Variants in VEGFC observed in about 807,000 individuals in gnomAD.
The protein encoded by VEGFC is vascular endothelial growth factor C.
A neutral mutation model predicts 46.1 loss-of-function variants in VEGFC; 12 were observed. The ratio of observed to expected loss-of-function variants is 0.26; its 90% CI spans 0.17 to 0.42. VEGFC has a LOEUF of 0.42. Among genes scored for constraint, VEGFC ranks in the 10% least tolerant of loss-of-function variants. VEGFC has a pLI of 1.00. For synonymous variants in VEGFC, 232 were observed against 195.5 expected (o/e 1.19, Z -1.56); for missense variants, 488 against 529.4 (o/e 0.92, Z 0.77).
At chr4:176,684,669 G>A (rs114475399) in intron 6 of VEGFC, among the ~76,000 whole-genome samples, 43 of 152,294 alleles carry the variant, frequency 2.8e-4, no homozygotes, top group African/African-American at 8.9e-4. Context: ...TTCCAGTAGC[G>A]GTGAGAGGAC....
intron 1 of VEGFC, among the ~76,000 whole-genome samples, chr4:176,791,953 C>T (rs760987840): frequency 1.9e-4 from 29 of 152,208 alleles, no homozygotes; most frequent in Non-Finnish European, 4.3e-4. Context: ...CCGGGCCCTT[C>T]ACTCGTGTAA....
chr4:176,764,289 CAG>C (rs779143537), intron 1 of VEGFC, among the ~76,000 whole-genome samples: 6 of 152,064 alleles, frequency 3.9e-5, no homozygotes, highest in Non-Finnish European at 8.8e-5. Context: ...CAGAAAACAA[CAG>C]AGTTAACAAA....
rs1276140647 is a variant in VEGFC, at chr4:176,740,245, A to G, written c.148-10499T>C. On this transcript the variant is annotated intron_variant, in intron 1 of 6. Coordinates refer to ENST00000618562, the MANE Select transcript of VEGFC (RefSeq NM_005429.5). ...TAGAATATATAACTATATATAGAAT[A>G]TATATATAGAATATATATAACTATA... 1.8e-3 allele frequency among the ~76,000 whole-genome samples: 213 copies of G among 119,218 alleles called. 2 individuals are homozygous for G. The highest frequency in any genetic ancestry group is 7.3e-3 in the African/African-American group (207 of 28,280). 78.2% of individuals were successfully genotyped at this position (119,218 alleles called of 152,430 possible).
intron 1 of VEGFC, among the ~76,000 whole-genome samples, chr4:176,756,520 C>T (rs1194314583): frequency 6.6e-6 from 1 of 151,908 alleles, no homozygotes; most frequent in East Asian, 1.9e-4. Flanking sequence ...AAGAACATTC[C>T]AGGCTCTTTG....
intron 6 of VEGFC, among the ~76,000 whole-genome samples, chr4:176,685,995 G>A (rs1183038649): frequency 6.6e-6 from 1 of 152,138 alleles, no homozygotes; most frequent in African/African-American, 2.4e-5. Context: ...GAACATTAGT[G>A]AAGATAGTAA....
intron 1 of VEGFC, among the ~76,000 whole-genome samples, chr4:176,789,319 G>T (rs1373678108): frequency 6.6e-6 from 1 of 152,244 alleles, no homozygotes; most frequent in African/African-American, 2.4e-5. Flanking sequence ...ATGCCACTAA[G>T]ATCAGTAATT....
intron 1 of VEGFC, among the ~76,000 whole-genome samples, chr4:176,771,568 T>A (rs1293317049): frequency 6.6e-6 from 1 of 152,198 alleles, no homozygotes; most frequent in East Asian, 1.9e-4. Context: ...AGCTTATGTT[T>A]TCCATTTTTG....
At chr4:176,726,675 T>C (rs2111015023) in intron 3 of VEGFC, among the ~76,000 whole-genome samples, 1 of 152,184 alleles carries the variant, frequency 6.6e-6, no homozygotes, top group Non-Finnish European at 1.5e-5. Context: ...GCTGAAAAAA[T>C]GTAGTTCATG....
chr4:176,716,385 G>A (rs916793764), intron 3 of VEGFC, among the ~76,000 whole-genome samples: 8 of 151,402 alleles, frequency 5.3e-5, no homozygotes, highest in Non-Finnish European at 8.9e-5. Context: ...AAGACCAGCC[G>A]GCCCAACATG....
At chr4:176,750,008 T>TA (rs1165873111) in intron 1 of VEGFC, among the ~76,000 whole-genome samples, 2 of 151,756 alleles carry the variant, frequency 1.3e-5, no homozygotes, top group Non-Finnish European at 3.0e-5. Flanking sequence ...AATGCAGTAT[T>TA]AAAAAAATAG....
chr4:176,767,123 T>TAAAAAAAAAA (rs70964805), intron 1 of VEGFC, among the ~76,000 whole-genome samples: 73 of 50,416 alleles, frequency 1.4e-3, no homozygotes, highest in African/African-American at 2.7e-3. Context: ...TGTAGAAATC[T>TAAAAAAAAAA]AAAAAAAAAA....
chr4:176,732,737 T>C (rs973774196), intron 1 of VEGFC, among the ~76,000 whole-genome samples: 9 of 151,824 alleles, frequency 5.9e-5, no homozygotes, highest in Non-Finnish European at 1.3e-4. Context: ...GAGCTTTTTT[T>C]TCAGAAGAAA....
At chr4:176,744,879 T>C (rs979769283) in intron 1 of VEGFC, among the ~76,000 whole-genome samples, 8 of 152,092 alleles carry the variant, frequency 5.3e-5, no homozygotes, top group African/African-American at 1.9e-4. Flanking sequence ...TTTGCACTAA[T>C]TACAAAGCCT....
At chr4:176,724,268 G>A (rs747545902) in intron 3 of VEGFC, among the ~76,000 whole-genome samples, 8 of 152,140 alleles carry the variant, frequency 5.3e-5, no homozygotes, top group Non-Finnish European at 1.2e-4. Flanking sequence ...CCCTAAAACT[G>A]TGGGGGGAAA....
chr4:176,768,538 T>C (rs1279120789), intron 1 of VEGFC, among the ~76,000 whole-genome samples: 1 of 132,040 alleles, frequency 7.6e-6, no homozygotes, highest in African/African-American at 2.6e-5. Context: ...AGTACTATGA[T>C]ATTTCGACAT....
chr4:176,720,676 C>T (rs1216738414), intron 3 of VEGFC, among the ~76,000 whole-genome samples: 1 of 151,688 alleles, frequency 6.6e-6, no homozygotes, highest in Admixed American at 6.6e-5. Context: ...CCCATCTCTA[C>T]TACAAATACA....
chr4:176,714,385 A>G (rs1291696780), intron 3 of VEGFC, among the ~76,000 whole-genome samples: 1 of 152,182 alleles, frequency 6.6e-6, no homozygotes, highest in Admixed American at 6.5e-5. Flanking sequence ...AGGCATCACC[A>G]GAAGGTGAGC....
chr4:176,750,491 C>G (rs1319435481), intron 1 of VEGFC, among the ~76,000 whole-genome samples: 1 of 151,274 alleles, frequency 6.6e-6, no homozygotes, highest in East Asian at 1.9e-4. Flanking sequence ...TAAAACAATG[C>G]ATCAAAGGGT....
At chr4:176,733,671 T>C (rs572493920) in intron 1 of VEGFC, among the ~76,000 whole-genome samples, 110 of 151,906 alleles carry the variant, frequency 7.2e-4, no homozygotes, top group Admixed American at 7.0e-3. Flanking sequence ...GTATCTTGAC[T>C]GTGGGGATGG....
Sources: allele counts gnomAD v4.1 joint callset (sites outside exome capture counted in the v4.1 genomes callset), GRCh38; gene constraint gnomAD v4.1.1; transcripts MANE v1.5; gene names NCBI Gene and HGNC (gene_info 2026-07-23, HGNC 2026-07-21).